AGBL1: variants seen among roughly 807,000 people sequenced by gnomAD.
The protein encoded by AGBL1 is AGBL carboxypeptidase 1.
A neutral mutation model predicts 118.9 loss-of-function variants in AGBL1; 130 were observed. That is an observed-to-expected ratio of 1.09 (90% CI 0.95 to 1.26). The LOEUF (loss-of-function observed/expected upper bound fraction) is 1.26. AGBL1 is among the 50% of genes most tolerant of loss of function. The pLI is 0.00. For missense variants in AGBL1, 1,584 were observed against 1,298.1 expected (o/e 1.22, Z -3.38); for synonymous variants, 555 against 478.9 (o/e 1.16, Z -2.08).
chr15:86,466,048 T>C (rs902366534), intron 18 of AGBL1, among the ~76,000 whole-genome samples: 8 of 152,194 alleles, frequency 5.3e-5, no homozygotes, highest in African/African-American at 1.7e-4. Flanking sequence ...AAAATTTCTT[T>C]CTTTTGTATT....
At chr15:86,322,665 G>C (rs1439055599) in intron 17 of AGBL1, among the ~76,000 whole-genome samples, 3 of 152,028 alleles carry the variant, frequency 2.0e-5, no homozygotes, top group Admixed American at 6.6e-5. Context: ...CTTTATAATG[G>C]GTTAAGTTAT....
chr15:86,296,240 A>C (rs900699389), intron 17 of AGBL1: 2 of 147,816 alleles, frequency 1.4e-5, no homozygotes, highest in African/African-American at 5.2e-5. Context: ...CAAAAAAACA[A>C]AAAAAAAACA....
intron 18 of AGBL1, among the ~76,000 whole-genome samples, chr15:86,404,727 A>G (rs989301226): frequency 6.6e-6 from 1 of 152,154 alleles, no homozygotes; most frequent in Non-Finnish European, 1.5e-5. Flanking sequence ...TCTACATGGG[A>G]TTATGCAGAT....
chr15:86,573,334 C>T (rs1377487016), intron 21 of AGBL1, among the ~76,000 whole-genome samples: 2 of 152,084 alleles, frequency 1.3e-5, no homozygotes, highest in Non-Finnish European at 2.9e-5. Context: ...ATGTCTTCTA[C>T]AGTTTATAGT....
chr15:87,008,453 C>A (rs2081525831), intron 24 of AGBL1, among the ~76,000 whole-genome samples: 2 of 152,208 alleles, frequency 1.3e-5, no homozygotes. Flanking sequence ...CCATGTGGAA[C>A]TGTAAATCCA....
chr15:86,623,889 T>C (rs981514339), intron 21 of AGBL1, among the ~76,000 whole-genome samples: 3 of 152,220 alleles, frequency 2.0e-5, no homozygotes, highest in African/African-American at 7.2e-5. Flanking sequence ...TGCTGCACAG[T>C]TCACCTAGAA....
Position 86,674,374 on chromosome 15 carries a change from C to A in AGBL1, c.3096C>A (p.Leu1032=). The change falls in exon 22 of 23, where the codon CTC becomes CTA. Residue 1032 remains leucine (L), a synonymous_variant. Transcript: ENST00000614907. The part of the protein sequence containing the change: ...ELKSASCSHQ[L]LAQAATLLSA... Reference sequence around the variant, plus strand: ...AATCTGCCAGCTGCAGCCATCAGCTCCTGGCTCAAGCTGCAACTCTGCTGA... The same window carrying A: ...AATCTGCCAGCTGCAGCCATCAGCTACTGGCTCAAGCTGCAACTCTGCTGA... 1 of 1,613,116 alleles carries A rather than the reference C, an allele frequency of 6.2e-7. No individual in the cohort carries two copies. Among genetic ancestry groups the A allele is most frequent in the Non-Finnish European group, 8.5e-7 (1 of 1,179,566 alleles).
intron 22 of AGBL1, among the ~76,000 whole-genome samples, chr15:86,827,083 C>G (rs796992730): frequency 1.3e-5 from 2 of 150,780 alleles, no homozygotes; most frequent in African/African-American, 4.9e-5. Flanking sequence ...TGATTTCCCC[C>G]AAAGGGCCCT....
chr15:86,497,892 G>A (rs1221323634), intron 18 of AGBL1, among the ~76,000 whole-genome samples: 1 of 151,848 alleles, frequency 6.6e-6, no homozygotes, highest in Admixed American at 6.6e-5. Flanking sequence ...TCTGCTTTCA[G>A]TCTCTCAATA....
chr15:86,999,534 T>C (rs796529773), intron 24 of AGBL1, among the ~76,000 whole-genome samples: 1 of 147,802 alleles, frequency 6.8e-6, no homozygotes, highest in Non-Finnish European at 1.5e-5. Context: ...ATTTCATCCA[T>C]GTCCCTACAA....
In AGBL1 at chr15:86,198,258, A is replaced by G. The variant is rs545606222; in HGVS notation, c.489-26656A>G. Among the ~76,000 whole-genome samples the G allele has an allele frequency of 5.9e-5, 9 of 152,322 alleles. No individual in the cohort carries two copies. In the South Asian group the frequency reaches 1.7e-3, roughly 28 times the overall value. ...TCCTAATATTGTATTTTCAATGCAC[A>G]TAAGTTTTCTGGTCTCATGAGCTCA... On this transcript the variant is annotated intron_variant, in intron 5 of 22. Transcript: ENST00000614907.
At chr15:86,227,102 A>T (rs1188376404) in intron 6 of AGBL1, among the ~76,000 whole-genome samples, 1 of 152,052 alleles carries the variant, frequency 6.6e-6, no homozygotes, top group African/African-American at 2.4e-5. Context: ...TCCCATGTGT[A>T]AAAATGGCAG....
intron 18 of AGBL1, among the ~76,000 whole-genome samples, chr15:86,408,297 T>C (rs1281901446): frequency 1.3e-5 from 2 of 152,182 alleles, no homozygotes; most frequent in Non-Finnish European, 2.9e-5. Context: ...TTCCCCTGAC[T>C]CCCTTGTGAA....
intron 17 of AGBL1, among the ~76,000 whole-genome samples, chr15:86,358,047 A>G (rs2080749317): frequency 6.6e-6 from 1 of 152,098 alleles, no homozygotes; most frequent in African/African-American, 2.4e-5. Context: ...CAATTAAGAT[A>G]AACTCTTTTA....
At chr15:86,612,709 C>T (rs1170128573) in intron 21 of AGBL1, among the ~76,000 whole-genome samples, 1 of 152,180 alleles carries the variant, frequency 6.6e-6, no homozygotes, top group Non-Finnish European at 1.5e-5. Flanking sequence ...AAAATTTGCA[C>T]TCGGTAGAGA....
intron 18 of AGBL1, among the ~76,000 whole-genome samples, chr15:86,514,144 A>ACACG (rs897800337): frequency 2.0e-5 from 3 of 150,720 alleles, no homozygotes; most frequent in African/African-American, 4.9e-5. Context: ...AAACACACAC[A>ACACG]CACACACACA....
chr15:86,670,618 C>A (rs763795947), intron 21 of AGBL1, among the ~76,000 whole-genome samples: 2 of 109,512 alleles, frequency 1.8e-5, no homozygotes, highest in Non-Finnish European at 3.6e-5. Flanking sequence ...CACACACACA[C>A]ACACACACAA....
chr15:86,244,050 G>A (rs111857066), intron 6 of AGBL1, among the ~76,000 whole-genome samples: 3 of 91,282 alleles, frequency 3.3e-5, no homozygotes, highest in African/African-American at 1.6e-4. Flanking sequence ...TAGATAGATA[G>A]ATAGATAAAT....
chr15:86,416,809 T>A (rs968845140), intron 18 of AGBL1, among the ~76,000 whole-genome samples: 1 of 152,138 alleles, frequency 6.6e-6, no homozygotes, highest in Non-Finnish European at 1.5e-5. Flanking sequence ...TTCAACCTAG[T>A]TTTTCATTGT....
Sources: gnomAD v4.1 joint callset for allele counts (sites outside exome capture counted in the v4.1 genomes callset) on GRCh38, gnomAD v4.1.1 for gene constraint, MANE v1.5 for transcripts, NCBI Gene and HGNC (gene_info 2026-07-23, HGNC 2026-07-21) for gene names.